Variants in FBLIM1 observed in about 807,000 individuals in gnomAD.
FBLIM1 encodes the protein filamin-binding LIM protein 1.
In FBLIM1, 29 loss-of-function variants were observed where a neutral mutation model predicts 37.4. That is an observed-to-expected ratio of 0.77 (90% CI 0.58 to 1.06). FBLIM1 has a LOEUF of 1.06. Ranked by LOEUF, FBLIM1 falls within the 50% of genes least tolerant of loss-of-function variation. The pLI is 0.00. For synonymous variants in FBLIM1, 193 were observed against 199.0 expected (o/e 0.97, Z 0.25); for missense variants, 449 against 505.6 (o/e 0.89, Z 1.07).
intron 1 of FBLIM1, among the ~76,000 whole-genome samples, chr1:15,764,150 A>G (rs761809196): frequency 6.6e-6 from 1 of 152,104 alleles, no homozygotes; most frequent in Non-Finnish European, 1.5e-5. Context: ...GCTCATGTGC[A>G]GGGCTGAGAA....
rs550333108 is a variant in FBLIM1, at chr1:15,782,510, C to T, written c.1009-2038C>T. 2.0e-5 allele frequency among the ~76,000 whole-genome samples: 3 copies of T among 151,980 alleles called. No homozygotes were observed. In the East Asian group the frequency reaches 5.8e-4, roughly 29 times the overall value. On this transcript the variant is annotated intron_variant, in intron 8 of 8. Coordinates refer to ENST00000375766, the MANE Select transcript of FBLIM1 (RefSeq NM_017556.4). ...GTTCAGTGAGGTTTCAGCCACCGCA[C>T]AGCTGCCTTGCAGAGGTTGTGAGAC...
In FBLIM1 at chr1:15,777,166, C is replaced by T; in HGVS notation, c.891-4C>T. 1.3e-6 allele frequency: 2 copies of T among 1,597,114 alleles called. No homozygotes were observed. The highest frequency in any genetic ancestry group is 1.1e-5 in the South Asian group (1 of 90,074). On this transcript the variant is annotated splice_region_variant and splice_polypyrimidine_tract_variant and intron_variant, in intron 7 of 8. Transcript: ENST00000375766. ...CTCCCAAGCATGGGTTCCTTTGCTT[C>T]TAGGAAATTCGCCCCCGTCTGCAGC...
intron 1 of FBLIM1, among the ~76,000 whole-genome samples, chr1:15,763,761 T>A (rs1050750736): frequency 2.0e-5 from 3 of 151,806 alleles, no homozygotes; most frequent in Non-Finnish European, 2.9e-5. Context: ...TGCCTCACCC[T>A]CCCAAGTAGC....
intron 8 of FBLIM1, among the ~76,000 whole-genome samples, chr1:15,782,772 G>T (rs543288679): frequency 2.6e-5 from 4 of 151,888 alleles, no homozygotes; most frequent in Non-Finnish European, 4.4e-5. Context: ...TGCATAAGGA[G>T]GGCCACCTGT....
At chr1:15,783,873 C>T (rs1032379957) in intron 8 of FBLIM1, among the ~76,000 whole-genome samples, 3 of 152,142 alleles carry the variant, frequency 2.0e-5, no homozygotes, top group African/African-American at 7.2e-5. Flanking sequence ...TGAACCACCG[C>T]GCCCGCCCAG....
At chr1:15,776,691 G>A (rs959750802) in intron 7 of FBLIM1, among the ~76,000 whole-genome samples, 26 of 132,670 alleles carry the variant, frequency 2.0e-4, no homozygotes, top group African/African-American at 6.9e-4. Context: ...GGTGAAACCC[G>A]TCTCTACTAA....
At position 15,784,739 on chromosome 1, in the gene FBLIM1, C is replaced by T; in HGVS notation, c.*78C>T. On this transcript the variant is annotated 3_prime_UTR_variant, in exon 9 of 9. Transcript: ENST00000375766. ...TGACTTGGTTTCCCTTCCTAACCTGCTCTTGCACACTTTCCTTCTGAGCCT... is the reference window on the plus strand; with the variant it reads ...TGACTTGGTTTCCCTTCCTAACCTGTTCTTGCACACTTTCCTTCTGAGCCT... 1 of 1,241,854 alleles carries T rather than the reference C, an allele frequency of 8.1e-7. No individual in the cohort carries two copies. Among genetic ancestry groups the T allele is most frequent in the Non-Finnish European group, 1.2e-6 (1 of 858,054 alleles). 76.9% of individuals were successfully genotyped at this position (1,241,854 alleles called of 1,614,324 possible).
chr1:15,777,024 G>A (rs2069513924), intron 7 of FBLIM1, 146 bp from the exon 8 acceptor site: 2 of 660,976 alleles, frequency 3.0e-6, no homozygotes, highest in Non-Finnish European at 2.7e-6. Context: ...CTCCTGCCAA[G>A]AAGAAACAGA....
At chr1:15,779,982 C>A (rs1242591730) in intron 8 of FBLIM1, among the ~76,000 whole-genome samples, 3 of 152,058 alleles carry the variant, frequency 2.0e-5, no homozygotes, top group Admixed American at 2.0e-4. Context: ...TGGGCTCAAG[C>A]AGTTCTCTCA....
At chr1:15,768,454 C>T in intron 4 of FBLIM1, 74 bp from the exon 5 acceptor site, 1 of 1,035,808 alleles carries the variant, frequency 9.7e-7, no homozygotes, top group Non-Finnish European at 1.4e-6. Flanking sequence ...TACCTGTTAC[C>T]ACCCAGATGA....
At chr1:15,771,002 C>T (rs1475567754) in intron 6 of FBLIM1, among the ~76,000 whole-genome samples, 5 of 152,016 alleles carry the variant, frequency 3.3e-5, no homozygotes, top group East Asian at 1.9e-4. Flanking sequence ...TGCAGTGGCA[C>T]GATGTCAGCT....
intron 6 of FBLIM1, 77 bp downstream of exon 6, chr1:15,770,655 A>G: frequency 1.3e-6 from 2 of 1,515,418 alleles, no homozygotes; most frequent in Non-Finnish European, 1.8e-6. Context: ...TTCATTCCCC[A>G]CACAGTCCTG....
chr1:15,768,548 A>G lies in FBLIM1; in HGVS notation c.459A>G (p.Ser153=). 1 of 1,595,764 alleles carries G rather than the reference A, an allele frequency of 6.3e-7. No individual in the cohort carries two copies. Reference sequence around the variant, plus strand: ...CACAGGCCCCAGCGGAGGGACCTTCAGTCCAGCCCGGTCCCCTCAGGCCCA... The same window carrying G: ...CACAGGCCCCAGCGGAGGGACCTTCGGTCCAGCCCGGTCCCCTCAGGCCCA... The part of the protein sequence containing the change: ...PPPQAPAEGP[S]VQPGPLRPME... The change falls in exon 5 of 9, where the codon TCA becomes TCG. Residue 153 remains serine (S), a synonymous_variant. Coordinates refer to ENST00000375766, the MANE Select transcript of FBLIM1 (RefSeq NM_017556.4).
At chr1:15,772,068 C>T (rs1049180354) in intron 6 of FBLIM1, among the ~76,000 whole-genome samples, 3 of 152,138 alleles carry the variant, frequency 2.0e-5, no homozygotes, top group Non-Finnish European at 4.4e-5. Flanking sequence ...GTGGTGACCA[C>T]CCACAGCCGC....
intron 3 of FBLIM1, among the ~76,000 whole-genome samples, chr1:15,766,292 A>ATG (rs377655977): frequency 8.6e-5 from 13 of 150,762 alleles, no homozygotes; most frequent in South Asian, 4.2e-4. Context: ...GTGTGTGTGT[A>ATG]TGTGTGTGTG....
rs756819530 is a variant in FBLIM1, at chr1:15,784,617, T to C, written c.1078T>C (p.Cys360Arg). 1 of 1,614,176 alleles carries C rather than the reference T, an allele frequency of 6.2e-7. No homozygotes were observed. Among genetic ancestry groups the C allele is most frequent in the South Asian group, 1.1e-5 (1 of 91,082 alleles). Reference sequence around the variant, plus strand: ...CTACCCCCTGAACAACCATCTCTTCTGCAAGCCATGCCATGTGAAGCGGAG... The same window carrying C: ...CTACCCCCTGAACAACCATCTCTTCCGCAAGCCATGCCATGTGAAGCGGAG... ...GCYPLNNHLFCKPCHVKRSAA... is the reference protein window; with the variant it reads ...GCYPLNNHLFRKPCHVKRSAA... The change falls in exon 9 of 9, where the codon TGC becomes CGC. Residue 360 changes from cysteine to arginine, a missense_variant. Coordinates refer to ENST00000375766, the MANE Select transcript of FBLIM1 (RefSeq NM_017556.4).
In FBLIM1 at chr1:15,783,638, C is replaced by T. The variant is rs574849635; in HGVS notation, c.1009-910C>T. 2.1e-4 allele frequency among the ~76,000 whole-genome samples: 30 copies of T among 143,480 alleles called. No homozygotes were observed. The East Asian group carries it at 6.0e-3, about 29-fold the overall frequency. 94.1% of individuals were successfully genotyped at this position (143,480 alleles called of 152,430 possible). A position where few individuals can be genotyped will look rare whatever the true frequency, so the allele number is the denominator to read the frequency against. On this transcript the variant is annotated intron_variant, in intron 8 of 8. Transcript: ENST00000375766. ...TCACCCGGGCTGGAGTGTAGTGGCA[C>T]GATCTCGGCTCACTGCAAGCTCTGC...
At chr1:15,764,768 A>C in intron 2 of FBLIM1, 83 bp downstream of exon 2, 1 of 670,306 alleles carries the variant, frequency 1.5e-6, no homozygotes, top group Non-Finnish European at 2.5e-6. Context: ...CCTGTGGCCA[A>C]GTTCCCTGGT....
At chr1:15,784,441 C>A in intron 8 of FBLIM1, 107 bp from the exon 9 acceptor site, 1 of 823,904 alleles carries the variant, frequency 1.2e-6, no homozygotes, top group Non-Finnish European at 2.0e-6. Flanking sequence ...TTAGGAAGGG[C>A]ATCCACTCAT....
Sources: allele counts gnomAD v4.1 joint callset (sites outside exome capture counted in the v4.1 genomes callset), GRCh38; gene constraint gnomAD v4.1.1; transcripts MANE v1.5; gene names NCBI Gene and HGNC (gene_info 2026-07-23, HGNC 2026-07-21).